The following RBFOX1 variants were observed in gnomAD, a reference collection of about 807,000 sequenced individuals.
RBFOX1 encodes the protein RNA binding fox-1 homolog 1, also known as RNA binding protein fox-1 homolog 1.
In RBFOX1, 8 loss-of-function variants were observed where a neutral mutation model predicts 57.7. That is an observed-to-expected ratio of 0.14 (90% CI 0.08 to 0.25). The LOEUF (loss-of-function observed/expected upper bound fraction) is 0.25, where lower values mean the gene tolerates loss of function less well. RBFOX1 is among the 10% of genes least tolerant of loss of function. The pLI is 1.00. For missense variants in RBFOX1, 611 were observed against 548.5 expected (o/e 1.11, Z -1.14); for synonymous variants, 326 against 222.4 (o/e 1.47, Z -4.15).
At chr16:6,763,688 C>T (rs150816783) in intron 3 of RBFOX1, among the ~76,000 whole-genome samples, 1,971 of 152,278 alleles carry the variant, frequency 0.013, 55 homozygotes, top group African/African-American at 0.045. Flanking sequence ...TTAGGATTTA[C>T]GTTTTTATTA....
intron 4 of RBFOX1, among the ~76,000 whole-genome samples, chr16:5,907,997 C>G (rs746563296): frequency 1.3e-5 from 2 of 151,552 alleles, no homozygotes; most frequent in East Asian, 1.9e-4. Context: ...GTTCTCCACC[C>G]TCTTCGGCCT....
chr16:6,110,501 A>C (rs186109533), intron 1 of RBFOX1, among the ~76,000 whole-genome samples: 19 of 152,188 alleles, frequency 1.2e-4, no homozygotes, highest in Non-Finnish European at 2.2e-4. Context: ...CATTTGTGAA[A>C]TGATGTGGAC....
At chr16:5,991,563 C>G (rs1044317381) in intron 4 of RBFOX1, among the ~76,000 whole-genome samples, 1 of 151,898 alleles carries the variant, frequency 6.6e-6, no homozygotes, top group Admixed American at 6.6e-5. Context: ...GAGATCTGTA[C>G]TCAATGATCG....
intron 3 of RBFOX1, among the ~76,000 whole-genome samples, chr16:7,031,735 C>T (rs905799376): frequency 2.4e-4 from 36 of 152,122 alleles, no homozygotes; most frequent in African/African-American, 8.2e-4. Context: ...AAATACTATA[C>T]TCTGTGCCCT....
chr16:7,418,596 T>G (rs2098507494), intron 4 of RBFOX1, among the ~76,000 whole-genome samples: 1 of 152,192 alleles, frequency 6.6e-6, no homozygotes, highest in South Asian at 2.1e-4. Context: ...ACCCAAACAA[T>G]ATTTGGCTGA....
intron 3 of RBFOX1, among the ~76,000 whole-genome samples, chr16:6,881,494 A>G (rs936352965): frequency 3.3e-5 from 5 of 152,138 alleles, no homozygotes; most frequent in Non-Finnish European, 5.9e-5. Flanking sequence ...TCAGCTACAT[A>G]GAGAGCCTGT....
intron 3 of RBFOX1, among the ~76,000 whole-genome samples, chr16:6,743,765 A>G (rs1040234840): frequency 6.6e-6 from 1 of 150,730 alleles, no homozygotes; most frequent in Non-Finnish European, 1.5e-5. Context: ...TCAAAAGGAA[A>G]GAAGGAAGAA....
chr16:6,099,251 C>G (rs1292730345), intron 1 of RBFOX1, among the ~76,000 whole-genome samples: 1 of 152,114 alleles, frequency 6.6e-6, no homozygotes, highest in African/African-American at 2.4e-5. Context: ...GTGAGTTGAG[C>G]CATAAACATT....
chr16:7,237,131 G>A (rs920418254), intron 4 of RBFOX1, among the ~76,000 whole-genome samples: 4 of 152,168 alleles, frequency 2.6e-5, no homozygotes, highest in Non-Finnish European at 5.9e-5. Context: ...CTGCAATACA[G>A]CCGCCAACCC....
At chr16:5,957,282 T>A (rs2059662009) in intron 4 of RBFOX1, among the ~76,000 whole-genome samples, 1 of 152,210 alleles carries the variant, frequency 6.6e-6, no homozygotes, top group Non-Finnish European at 1.5e-5. Context: ...TGGCATGATC[T>A]CAGCTCACTG....
At chr16:6,796,245 G>A (rs2154252705) in intron 3 of RBFOX1, among the ~76,000 whole-genome samples, 1 of 152,204 alleles carries the variant, frequency 6.6e-6, no homozygotes, top group Middle Eastern at 3.4e-3. Flanking sequence ...GAACAGTGAA[G>A]GAAAGACCCA....
intron 14 of RBFOX1, among the ~76,000 whole-genome samples, chr16:7,693,888 C>A (rs138288042): frequency 1.3e-5 from 2 of 152,268 alleles, no homozygotes; most frequent in African/African-American, 4.8e-5. Context: ...AGCCAAAGAT[C>A]CTCTATTTCC....
chr16:6,723,511 G>C (rs974753594), intron 3 of RBFOX1, among the ~76,000 whole-genome samples: 12 of 152,286 alleles, frequency 7.9e-5, no homozygotes, highest in African/African-American at 2.9e-4. Context: ...ATTATAGATT[G>C]TGTTTGTATG....
At chr16:5,485,091 A>T (rs975936099) in intron 2 of RBFOX1, among the ~76,000 whole-genome samples, 1 of 151,866 alleles carries the variant, frequency 6.6e-6, no homozygotes, top group African/African-American at 2.4e-5. Flanking sequence ...TCACGCCTGT[A>T]ATCCCAGCAC....
At chr16:6,994,339 T>A (rs933438029) in intron 3 of RBFOX1, among the ~76,000 whole-genome samples, 1 of 152,200 alleles carries the variant, frequency 6.6e-6, no homozygotes, top group Non-Finnish European at 1.5e-5. Context: ...TAGAGTCTAA[T>A]GATCTTAAAG....
At chr16:6,295,748 C>A (rs1219874537) in intron 1 of RBFOX1, among the ~76,000 whole-genome samples, 1 of 152,124 alleles carries the variant, frequency 6.6e-6, no homozygotes, top group African/African-American at 2.4e-5. Context: ...GAGGAGGGGA[C>A]AGGGGCAATG....
chr16:5,643,507 C>T (rs998770567), intron 3 of RBFOX1, among the ~76,000 whole-genome samples: 3 of 152,190 alleles, frequency 2.0e-5, no homozygotes, highest in African/African-American at 7.2e-5. Flanking sequence ...TGACTTCACA[C>T]ACCCAGCCTA....
At chr16:7,639,654 T>C (rs2062423402) in intron 11 of RBFOX1, among the ~76,000 whole-genome samples, 1 of 152,178 alleles carries the variant, frequency 6.6e-6, no homozygotes, top group Non-Finnish European at 1.5e-5. Context: ...TAGGGGATAT[T>C]TGGGAAGTAA....
At chr16:5,467,262 C>T in intron 2 of RBFOX1, 3 of 1,488,596 alleles carry the variant, frequency 2.0e-6, no homozygotes, top group Non-Finnish European at 2.7e-6. Context: ...CAGGTAAGTG[C>T]TCATTTTGTC....
Sources: gnomAD v4.1 joint callset for allele counts (sites outside exome capture counted in the v4.1 genomes callset) on GRCh38, gnomAD v4.1.1 for gene constraint, MANE v1.5 for transcripts, NCBI Gene and HGNC (gene_info 2026-07-23, HGNC 2026-07-21) for gene names.